Variants in PCDH15 observed in about 807,000 individuals in gnomAD.
The protein encoded by PCDH15 is protocadherin related 15.
Under a neutral mutation model 178.5 loss-of-function variants are expected in PCDH15, and 129 were observed. That is an observed-to-expected ratio of 0.72 (90% CI 0.63 to 0.84). The LOEUF is 0.84. Among genes scored for constraint, PCDH15 ranks in the 40% least tolerant of loss-of-function variants. The pLI is 0.00. For synonymous variants in PCDH15, 800 were observed against 732.0 expected (o/e 1.09, Z -1.50); for missense variants, 2,230 against 2,099.9 (o/e 1.06, Z -1.21).
chr10:53,909,587 T>C (rs1001409865), intron 25 of PCDH15, among the ~76,000 whole-genome samples: 6 of 152,160 alleles, frequency 3.9e-5, no homozygotes, highest in African/African-American at 1.4e-4. Flanking sequence ...CCCAGCGTGC[T>C]TGGCGCAGAA....
intron 3 of PCDH15, among the ~76,000 whole-genome samples, chr10:54,501,380 T>C (rs2080673196): frequency 6.6e-6 from 1 of 152,070 alleles, no homozygotes; most frequent in African/African-American, 2.4e-5. Context: ...CAGACTAAAT[T>C]ATCTCTCTAA....
intron 2 of PCDH15, among the ~76,000 whole-genome samples, chr10:55,375,284 T>C (rs892722972): frequency 6.6e-6 from 1 of 152,126 alleles, no homozygotes; most frequent in Admixed American, 6.6e-5. Context: ...TAAGAAAGAA[T>C]GGCAGGGAAG....
chr10:54,403,245 C>T (rs1283323210), intron 3 of PCDH15, among the ~76,000 whole-genome samples: 1 of 151,882 alleles, frequency 6.6e-6, no homozygotes, highest in African/African-American at 2.4e-5. Flanking sequence ...GGTGAGGAAG[C>T]CACAGAAGAA....
rs1307135659 is a variant in PCDH15, at chr10:54,232,906, T to C, written c.985+3917A>G. ...ACTGTAGTCTCTATTATTTCTATTGTGTTGTTTAGCTTTCTTTCTTTTTTT... is the reference window on the plus strand; with the variant it reads ...ACTGTAGTCTCTATTATTTCTATTGCGTTGTTTAGCTTTCTTTCTTTTTTT... On this transcript the variant is annotated intron_variant, in intron 9 of 37. Coordinates refer to ENST00000644397, the MANE Select transcript of PCDH15 (RefSeq NM_001384140.1). Among the ~76,000 whole-genome samples, 4 of 151,078 alleles carry C rather than the reference T, an allele frequency of 2.6e-5. No homozygotes were observed. The South Asian group carries it at 6.2e-4, about 23-fold the overall frequency.
chr10:53,878,718 G>A (rs1437971681), intron 26 of PCDH15, among the ~76,000 whole-genome samples: 2 of 151,670 alleles, frequency 1.3e-5, no homozygotes, highest in African/African-American at 2.4e-5. Flanking sequence ...TCCATTATAC[G>A]TCAAATTTGT....
rs71014444 is a variant in PCDH15 at position 55,052,537 on chromosome 10, C to CAAAAAAAAAAA, written c.-80+114028_-80+114038dup. Among the ~76,000 whole-genome samples, 78 of 39,358 alleles carry CAAAAAAAAAAA rather than the reference C, an allele frequency of 2.0e-3. 28 individuals are homozygous for CAAAAAAAAAAA. Among genetic ancestry groups the CAAAAAAAAAAA allele is most frequent in the African/African-American group, 4.0e-3 (46 of 11,398 alleles). 25.8% of individuals were successfully genotyped at this position (39,358 alleles called of 152,430 possible). ...AACATGGCGAAAACCCCGTCTCATA[C>CAAAAAAAAAAA]AAAAAAAAAAAAAAAAAAAAAAAAA... On this transcript the variant is annotated intron_variant, in intron 2 of 5. Transcript: ENST00000458638.
chr10:54,282,522 T>C (rs2058763449), intron 8 of PCDH15, among the ~76,000 whole-genome samples: 1 of 152,140 alleles, frequency 6.6e-6, no homozygotes, highest in Admixed American at 6.6e-5. Context: ...GCTTAGGTAT[T>C]ATTCAAATGT....
chr10:54,751,017 G>T (rs1387493902), intron 1 of PCDH15, among the ~76,000 whole-genome samples: 1 of 151,882 alleles, frequency 6.6e-6, no homozygotes, highest in Non-Finnish European at 1.5e-5. Context: ...CGTGTTAAAA[G>T]CACATTTAAA....
intron 11 of PCDH15, among the ~76,000 whole-genome samples, chr10:54,186,199 G>A (rs1175835918): frequency 6.6e-6 from 1 of 151,956 alleles, no homozygotes; most frequent in African/African-American, 2.4e-5. Context: ...AGTGATACAG[G>A]GAGGTAAGGT....
chr10:54,413,655 C>G (rs1953893032), intron 3 of PCDH15, among the ~76,000 whole-genome samples: 2 of 152,060 alleles, frequency 1.3e-5, no homozygotes, highest in African/African-American at 4.8e-5. Flanking sequence ...CATAATTCAG[C>G]CAGCTGACCA....
chr10:53,839,577 T>C (rs1405142164), intron 29 of PCDH15, among the ~76,000 whole-genome samples: 4 of 152,136 alleles, frequency 2.6e-5, no homozygotes, highest in Admixed American at 6.5e-5. Flanking sequence ...TATATCAATA[T>C]ATATTTTTAA....
At chr10:54,747,297 G>A (rs914344147) in intron 1 of PCDH15, among the ~76,000 whole-genome samples, 1 of 152,182 alleles carries the variant, frequency 6.6e-6, no homozygotes, top group Non-Finnish European at 1.5e-5. Context: ...TCTAATCACA[G>A]CAGTCTCAGG....
chr10:54,218,239 A>G (rs2052336546), intron 9 of PCDH15, among the ~76,000 whole-genome samples: 1 of 152,194 alleles, frequency 6.6e-6, no homozygotes, highest in South Asian at 2.1e-4. Flanking sequence ...ACAACCCCTC[A>G]TAAATGAATG....
chr10:54,723,049 A>G (rs913066186), intron 1 of PCDH15, among the ~76,000 whole-genome samples: 4 of 151,712 alleles, frequency 2.6e-5, no homozygotes, highest in African/African-American at 7.2e-5. Flanking sequence ...AAAAAATCTT[A>G]ATGTTTAGAT....
At chr10:54,353,123 T>C (rs1944427300) in intron 5 of PCDH15, among the ~76,000 whole-genome samples, 1 of 152,122 alleles carries the variant, frequency 6.6e-6, no homozygotes, top group Non-Finnish European at 1.5e-5. Context: ...ATTGAGAAAA[T>C]ATCGTTTGCC....
chr10:55,607,316 C>G (rs12258249), intron 2 of PCDH15, among the ~76,000 whole-genome samples: 45,862 of 147,902 alleles, frequency 0.31, 6,484 homozygotes, highest in East Asian at 0.44. Context: ...TAAACTAGTT[C>G]AACCATTGTG....
At chr10:54,444,868 C>T (rs1406009490) in intron 3 of PCDH15, among the ~76,000 whole-genome samples, 2 of 151,570 alleles carry the variant, frequency 1.3e-5, no homozygotes, top group Admixed American at 6.6e-5. Flanking sequence ...TTTTTTATCA[C>T]AACAATCGTC....
At chr10:54,899,925 A>G (rs1954613828) in intron 2 of PCDH15, among the ~76,000 whole-genome samples, 1 of 79,956 alleles carries the variant, frequency 1.3e-5, no homozygotes, top group Non-Finnish European at 2.4e-5. Context: ...TTCCAATAAT[A>G]AAGTGCTTTA....
chr10:55,034,107 A>G (rs945681459), intron 2 of PCDH15, among the ~76,000 whole-genome samples: 98 of 152,032 alleles, frequency 6.4e-4, no homozygotes, highest in Admixed American at 6.3e-3. Flanking sequence ...TTTTGCTTTT[A>G]TAAATTACCC....
Sources: gnomAD v4.1 joint callset for allele counts (sites outside exome capture counted in the v4.1 genomes callset) on GRCh38, gnomAD v4.1.1 for gene constraint, MANE v1.5 for transcripts, NCBI Gene and HGNC (gene_info 2026-07-23, HGNC 2026-07-21) for gene names.